Variants in ANTXR1 observed in about 807,000 individuals in gnomAD.
ANTXR1 encodes the protein anthrax toxin receptor 1.
In ANTXR1, 19 loss-of-function variants were observed where a neutral mutation model predicts 78.1. The ratio of observed to expected loss-of-function variants is 0.24; its 90% CI spans 0.17 to 0.36. ANTXR1 has a LOEUF of 0.36. ANTXR1 is among the 10% of genes least tolerant of loss of function. The pLI is 1.00. For missense variants in ANTXR1, 518 were observed against 718.6 expected (o/e 0.72, Z 3.19); for synonymous variants, 273 against 260.5 (o/e 1.05, Z -0.46).
rs1675532925 is a variant in ANTXR1, at chr2:69,229,288, G to T, written c.1435-15937G>T. Reference sequence around the variant, plus strand: ...TTTAAAAAAATTAATATTCCATTTTGGGGAAAAGGTGTTGACAGCTACTGG... The same window carrying T: ...TTTAAAAAAATTAATATTCCATTTTTGGGAAAAGGTGTTGACAGCTACTGG... On this transcript the variant is annotated intron_variant, in intron 17 of 17. Coordinates refer to ENST00000303714, the MANE Select transcript of ANTXR1 (RefSeq NM_032208.3). 1.3e-5 allele frequency among the ~76,000 whole-genome samples: 2 copies of T among 152,144 alleles called. 1 individual carries two copies. The highest frequency in any genetic ancestry group is 4.1e-4 in the South Asian group (2 of 4,822).
rs78702803 is a variant in ANTXR1 at position 69,124,485 on chromosome 2, G to A, written c.873-80G>A. 0.074 allele frequency: 91,019 copies of A among 1,225,132 alleles called. 3,875 individuals carry two copies. Among genetic ancestry groups the A allele is most frequent in the South Asian group, 0.092 (7,686 of 83,262 alleles). The allele number at this position is 1,225,132 out of a possible 1,614,324, so 75.9% of individuals were successfully genotyped here. ...AGGGTATTTAAGAGCAGAGCCCAAA[G>A]GAGTCCTGTGTGTCTGGCTCTCAGC... On this transcript the variant is annotated intron_variant, in intron 11 of 17. Coordinates refer to ENST00000303714, the MANE Select transcript of ANTXR1 (RefSeq NM_032208.3).
chr2:69,101,751 AT>A (rs980272235), intron 9 of ANTXR1, among the ~76,000 whole-genome samples: 22 of 152,038 alleles, frequency 1.4e-4, no homozygotes, highest in African/African-American at 5.3e-4. Flanking sequence ...CAAACATTGC[AT>A]TTTTTCCTCT....
intron 1 of ANTXR1, among the ~76,000 whole-genome samples, chr2:69,027,781 G>T (rs987625513): frequency 6.5e-5 from 9 of 138,570 alleles, no homozygotes; most frequent in Non-Finnish European, 1.4e-4. Context: ...TGAGGTGGAA[G>T]AATAATATAT....
intron 3 of ANTXR1, among the ~76,000 whole-genome samples, chr2:69,069,311 A>C (rs1283696601): frequency 6.6e-6 from 1 of 152,214 alleles, no homozygotes; most frequent in African/African-American, 2.4e-5. Flanking sequence ...CCTCTGTCTT[A>C]GGTAAGAGTG....
chr2:69,239,577 T>C (rs1204360545), intron 17 of ANTXR1, among the ~76,000 whole-genome samples: 4 of 152,170 alleles, frequency 2.6e-5, no homozygotes, highest in Non-Finnish European at 2.9e-5. Flanking sequence ...GATGGAATTA[T>C]AGAATATTAG....
At chr2:69,042,564 T>C (rs1669643171) in intron 2 of ANTXR1, among the ~76,000 whole-genome samples, 4 of 152,170 alleles carry the variant, frequency 2.6e-5, no homozygotes, top group Non-Finnish European at 4.4e-5. Flanking sequence ...CACAAACTAA[T>C]CTCTCCTGCC....
intron 13 of ANTXR1, among the ~76,000 whole-genome samples, chr2:69,160,536 C>CA (rs982156289): frequency 1.2e-4 from 19 of 152,104 alleles, no homozygotes; most frequent in African/African-American, 4.3e-4. Context: ...CTGTGGTTTT[C>CA]AAACCTGGTT....
chr2:69,178,872 T>TA (rs1366175356), intron 14 of ANTXR1, among the ~76,000 whole-genome samples: 1 of 152,182 alleles, frequency 6.6e-6, no homozygotes, highest in African/African-American at 2.4e-5. Context: ...GATGAGCTCC[T>TA]AAAAAATTAA....
At chr2:69,157,932 C>T (rs942085318) in intron 13 of ANTXR1, among the ~76,000 whole-genome samples, 3 of 152,192 alleles carry the variant, frequency 2.0e-5, no homozygotes, top group Middle Eastern at 3.2e-3. Flanking sequence ...ACAGAGTTCC[C>T]GTCCCTTGAG....
At chr2:69,122,439 T>TC (rs1672378077) in intron 10 of ANTXR1, among the ~76,000 whole-genome samples, 1 of 152,202 alleles carries the variant, frequency 6.6e-6, no homozygotes, top group Non-Finnish European at 1.5e-5. Context: ...TTTTCTTGTT[T>TC]CCCCTCAGTG....
Position 69,246,740 on chromosome 2 carries a change from G to A in ANTXR1, c.*1255G>A, listed in dbSNP as rs1247690701. 6.6e-6 allele frequency: 1 copy of A among 152,112 alleles called. No homozygotes were observed. The highest frequency in any genetic ancestry group is 2.4e-5 in the African/African-American group (1 of 41,420). 9.4% of individuals were successfully genotyped at this position (152,112 alleles called of 1,614,324 possible). A position where few individuals can be genotyped will look rare whatever the true frequency, so the allele number is the denominator to read the frequency against. On this transcript the variant is annotated 3_prime_UTR_variant, in exon 18 of 18. Coordinates refer to ENST00000303714, the MANE Select transcript of ANTXR1 (RefSeq NM_032208.3). ...TCACCCCATTTATCCAGGTCTTTCT[G>A]GATCTGTTTAATCAATAAGCCCTAT...
intron 10 of ANTXR1, among the ~76,000 whole-genome samples, chr2:69,119,625 T>C (rs1263267849): frequency 6.6e-6 from 1 of 152,242 alleles, no homozygotes; most frequent in Non-Finnish European, 1.5e-5. Flanking sequence ...GTCATCCCGC[T>C]CAGCCTCCAT....
chr2:69,174,733 T>A (rs1250417526), intron 14 of ANTXR1, among the ~76,000 whole-genome samples: 2 of 152,208 alleles, frequency 1.3e-5, no homozygotes, highest in South Asian at 4.1e-4. Context: ...ATATTGCATG[T>A]GAATGTATGA....
rs369194658 is a variant in ANTXR1, at chr2:69,185,196, A to G, written c.1353+2536A>G. ...GCCCCACCTAAGATCTACTAAATCA[A>G]AAACGCTGGAAGTGGGGCCCAGCCA... is the stretch of plus-strand genomic sequence containing the variant. On this transcript the variant is annotated intron_variant, in intron 16 of 17. Coordinates refer to ENST00000303714, the MANE Select transcript of ANTXR1 (RefSeq NM_032208.3). Among the ~76,000 whole-genome samples, 5 of 152,232 alleles carry G rather than the reference A, an allele frequency of 3.3e-5. No homozygotes were observed. The East Asian group carries it at 9.6e-4, about 29-fold the overall frequency.
intron 17 of ANTXR1, among the ~76,000 whole-genome samples, chr2:69,206,496 T>A (rs1176295013): frequency 2.6e-5 from 4 of 152,332 alleles, no homozygotes; most frequent in African/African-American, 9.6e-5. Context: ...TTTTCCTTCT[T>A]TCTCTAACAA....
chr2:69,082,959 G>A (rs1558526743), intron 8 of ANTXR1, among the ~76,000 whole-genome samples: 1 of 152,226 alleles, frequency 6.6e-6, no homozygotes, highest in African/African-American at 2.4e-5. Flanking sequence ...CTCGCAAGCT[G>A]TGGCATGACC....
intron 10 of ANTXR1, chr2:69,103,410 T>G (rs1671695990): frequency 4.8e-6 from 1 of 207,968 alleles, no homozygotes; most frequent in African/African-American, 2.4e-5. Context: ...TGCATTAATC[T>G]TGAATAAACC....
chr2:69,145,630 G>A lies in ANTXR1; in HGVS notation c.952-6539G>A, dbSNP rs576692357. 136 of 1,240,798 alleles carry A rather than the reference G, an allele frequency of 1.1e-4. No homozygotes were observed. In the African/African-American group the frequency reaches 1.9e-3, roughly 17 times the overall value. 76.9% of individuals were successfully genotyped at this position (1,240,798 alleles called of 1,614,324 possible). A position where few individuals can be genotyped will look rare whatever the true frequency, so the allele number is the denominator to read the frequency against. Reference sequence around the variant, plus strand: ...GGCTACATAATCACTCCATGCGGTGGGCATCAGGCAGAATCCTGGTGCAGA... The same window carrying A: ...GGCTACATAATCACTCCATGCGGTGAGCATCAGGCAGAATCCTGGTGCAGA... On this transcript the variant is annotated intron_variant, in intron 12 of 17. Coordinates refer to ENST00000303714, the MANE Select transcript of ANTXR1 (RefSeq NM_032208.3).
intron 17 of ANTXR1, among the ~76,000 whole-genome samples, chr2:69,225,197 C>T (rs2104514932): frequency 6.6e-6 from 1 of 152,338 alleles, no homozygotes; most frequent in Non-Finnish European, 1.5e-5. Context: ...AAGAATAGAT[C>T]TTTATGCTGG....
Sources: gnomAD v4.1 joint callset for allele counts (sites outside exome capture counted in the v4.1 genomes callset) on GRCh38, gnomAD v4.1.1 for gene constraint, MANE v1.5 for transcripts, NCBI Gene and HGNC (gene_info 2026-07-23, HGNC 2026-07-21) for gene names.